Variants in GRB14 observed in about 807,000 individuals in gnomAD.
GRB14 encodes growth factor receptor-bound protein 14.
A neutral mutation model predicts 69.1 loss-of-function variants in GRB14; 38 were observed. That is an observed-to-expected ratio of 0.55 (90% CI 0.42 to 0.72). The LOEUF (loss-of-function observed/expected upper bound fraction) is 0.72, where lower values mean the gene tolerates loss of function less well. Among genes scored for constraint, GRB14 ranks in the 30% least tolerant of loss-of-function variants. The pLI, the probability that GRB14 is intolerant of heterozygous loss-of-function variation, is 0.00. For synonymous variants in GRB14, 247 were observed against 241.3 expected (o/e 1.02, Z -0.22); for missense variants, 666 against 666.1 (o/e 1.00, Z 0.00).
chr2:164,509,251 T>C (rs1414588151), intron 6 of GRB14, among the ~76,000 whole-genome samples: 1 of 152,196 alleles, frequency 6.6e-6, no homozygotes, highest in African/African-American at 2.4e-5. Flanking sequence ...TGGTTTGAGC[T>C]TCCATAGCAG....
chr2:164,504,670 G>A (rs913204331), intron 8 of GRB14, among the ~76,000 whole-genome samples: 7 of 152,070 alleles, frequency 4.6e-5, no homozygotes, highest in Admixed American at 1.3e-4. Flanking sequence ...GAAAAGCTTC[G>A]CCATTATTGA....
chr2:164,575,252 G>A (rs1358188773), intron 2 of GRB14, among the ~76,000 whole-genome samples: 1 of 152,118 alleles, frequency 6.6e-6, no homozygotes, highest in African/African-American at 2.4e-5. Context: ...AACGGACAAT[G>A]TTCAAAATTT....
At chr2:164,620,500 G>A (rs1045633953) in intron 1 of GRB14, among the ~76,000 whole-genome samples, 1 of 131,164 alleles carries the variant, frequency 7.6e-6, no homozygotes, top group East Asian at 2.0e-4. Flanking sequence ...ACTGAAGTTG[G>A]AGCGCTTTGA....
intron 2 of GRB14, among the ~76,000 whole-genome samples, chr2:164,593,429 AAG>A (rs1689713489): frequency 6.6e-6 from 1 of 152,208 alleles, no homozygotes; most frequent in South Asian, 2.1e-4. Context: ...ATATAAATAA[AAG>A]ACAATTTTAA....
intron 2 of GRB14, among the ~76,000 whole-genome samples, chr2:164,555,174 G>A (rs1688646576): frequency 6.6e-6 from 1 of 152,200 alleles, no homozygotes; most frequent in African/African-American, 2.4e-5. Flanking sequence ...CCTCCTTGCT[G>A]ACTCCAAGGA....
chr2:164,521,857 T>C (rs1402724401), intron 6 of GRB14, 123 bp downstream of exon 6: 3 of 842,172 alleles, frequency 3.6e-6, no homozygotes, highest in Non-Finnish European at 5.7e-6. Flanking sequence ...ACGTTTTAAA[T>C]CAAGAAAATC....
chr2:164,579,424 G>C (rs1344067053), intron 2 of GRB14, among the ~76,000 whole-genome samples: 1 of 152,112 alleles, frequency 6.6e-6, no homozygotes, highest in East Asian at 1.9e-4. Flanking sequence ...CAGGTGGCCA[G>C]AGCCTATCCT....
chr2:164,575,287 T>C (rs1336723846), intron 2 of GRB14, among the ~76,000 whole-genome samples: 1 of 152,190 alleles, frequency 6.6e-6, no homozygotes, highest in Admixed American at 6.5e-5. Flanking sequence ...ATATATAAAA[T>C]CTTGTTTTCA....
intron 3 of GRB14, among the ~76,000 whole-genome samples, chr2:164,529,419 A>C (rs542642840): frequency 6.6e-6 from 1 of 152,260 alleles, no homozygotes; most frequent in East Asian, 1.9e-4. Flanking sequence ...GGTACCAAAA[A>C]ACTTTTTAAA....
chr2:164,610,396 G>A (rs914775633), intron 2 of GRB14, among the ~76,000 whole-genome samples: 1 of 151,992 alleles, frequency 6.6e-6, no homozygotes, highest in Non-Finnish European at 1.5e-5. Context: ...AAAAAATAAT[G>A]TATAAAATCA....
intron 8 of GRB14, among the ~76,000 whole-genome samples, chr2:164,507,315 G>A (rs1687217006): frequency 6.6e-6 from 1 of 152,124 alleles, no homozygotes; most frequent in East Asian, 1.9e-4. Context: ...CAATTGAAAA[G>A]TTTACTTCAT....
intron 2 of GRB14, among the ~76,000 whole-genome samples, chr2:164,562,812 G>A (rs2105323638): frequency 6.6e-6 from 1 of 152,312 alleles, no homozygotes; most frequent in Non-Finnish European, 1.5e-5. Context: ...ACTGGAGAGT[G>A]ATGAAGCTGA....
At chr2:164,499,200 A>G (rs922675051) in intron 9 of GRB14, among the ~76,000 whole-genome samples, 2 of 152,104 alleles carry the variant, frequency 1.3e-5, no homozygotes, top group African/African-American at 4.8e-5. Context: ...TAAAAATACC[A>G]TTATATTAAG....
At chr2:164,561,762 C>A (rs1574310898) in intron 2 of GRB14, among the ~76,000 whole-genome samples, 1 of 152,128 alleles carries the variant, frequency 6.6e-6, no homozygotes, top group African/African-American at 2.4e-5. Context: ...GGCCACCAAG[C>A]TTTTAGGGTT....
chr2:164,528,683 G>C (rs1201522140), intron 3 of GRB14, among the ~76,000 whole-genome samples: 1 of 151,872 alleles, frequency 6.6e-6, no homozygotes, highest in Non-Finnish European at 1.5e-5. Flanking sequence ...TACAATCTTG[G>C]TTCAACTCTT....
At chr2:164,509,258 G>C (rs1323066759) in intron 6 of GRB14, among the ~76,000 whole-genome samples, 1 of 152,170 alleles carries the variant, frequency 6.6e-6, no homozygotes, top group Non-Finnish European at 1.5e-5. Context: ...AGCTTCCATA[G>C]CAGTTAGAGA....
chr2:164,606,308 C>T (rs1344850908), intron 2 of GRB14, among the ~76,000 whole-genome samples: 1 of 152,128 alleles, frequency 6.6e-6, no homozygotes, highest in East Asian at 1.9e-4. Context: ...CGACACAATA[C>T]CCATAAGCCC....
intron 3 of GRB14, among the ~76,000 whole-genome samples, chr2:164,544,646 G>A (rs1175040959): frequency 6.6e-6 from 1 of 152,110 alleles, no homozygotes; most frequent in Non-Finnish European, 1.5e-5. Context: ...AAGTCATATT[G>A]GCCAGTATGA....
In GRB14 at chr2:164,560,166, G is replaced by A. The variant is rs145815895; in HGVS notation, c.325-12350C>T. On this transcript the variant is annotated intron_variant, in intron 2 of 13. Transcript: ENST00000263915. ...ATGCTGTATTCTTACCATTCTGTTC[G>A]TCCAGTATTTAGGCTGCTTTAAGCT... Among the ~76,000 whole-genome samples, 288 of 152,166 alleles carry A rather than the reference G, an allele frequency of 1.9e-3. 1 individual carries two copies. Among genetic ancestry groups the A allele is most frequent in the Non-Finnish European group, 3.3e-3 (224 of 68,010 alleles).
Sources: allele counts gnomAD v4.1 joint callset (sites outside exome capture counted in the v4.1 genomes callset), GRCh38; gene constraint gnomAD v4.1.1; transcripts MANE v1.5; gene names NCBI Gene and HGNC (gene_info 2026-07-23, HGNC 2026-07-21).